The following NIBAN3 variants were observed in gnomAD, a reference collection of about 807,000 sequenced individuals.
The protein encoded by NIBAN3 is protein Niban 3.
A neutral mutation model predicts 76.4 loss-of-function variants in NIBAN3; 66 were observed. The observed-to-expected ratio is 0.86, with a 90% CI of 0.71 to 1.06. NIBAN3 has a LOEUF of 1.06. Ranked by LOEUF, NIBAN3 falls within the 50% of genes least tolerant of loss-of-function variation. The probability of loss-of-function intolerance (pLI) is 0.00; values close to 1 mark genes in which losing one functional copy is unlikely to be tolerated. For synonymous variants in NIBAN3, 360 were observed against 355.2 expected (o/e 1.01, Z -0.15); for missense variants, 808 against 810.7 (o/e 1.00, Z 0.04).
In NIBAN3 at chr19:17,539,591, C is replaced by G. The variant is rs1317445887; in HGVS notation, c.817-12C>G. On this transcript the variant is annotated splice_polypyrimidine_tract_variant and intron_variant, in intron 7 of 14. Transcript: ENST00000599164. ...TGTCTCGGCTTTGTCCCCCCTCGAC[C>G]GGTCTGGGCAGCTTCTAGACGCCGT... is the stretch of plus-strand genomic sequence containing the variant. The G allele has an allele frequency of 1.3e-6, 2 of 1,528,126 alleles. No homozygotes were observed. The highest frequency in any genetic ancestry group is 1.8e-6 in the Non-Finnish European group (2 of 1,131,252). 94.7% of individuals were successfully genotyped at this position (1,528,126 alleles called of 1,614,324 possible).
chr19:17,527,316 A>C lies in NIBAN3; in HGVS notation c.-25A>C. Reference sequence around the variant, plus strand: ...AGGCGGTGGTCGTGGGGAAGGGAAGAGGAGCCCCGGGAGACGACAGCAGCA... The same window carrying C: ...AGGCGGTGGTCGTGGGGAAGGGAAGCGGAGCCCCGGGAGACGACAGCAGCA... On this transcript the variant is annotated 5_prime_UTR_variant, in exon 1 of 15. Transcript: ENST00000599164. 1 of 1,549,652 alleles carries C rather than the reference A, an allele frequency of 6.5e-7. No homozygotes were observed. Among genetic ancestry groups the C allele is most frequent in the Non-Finnish European group, 8.7e-7 (1 of 1,146,194 alleles).
At chr19:17,527,183 G>A (rs2075618937), upstream of NIBAN3, 3 of 1,528,558 alleles carry the variant, frequency 2.0e-6, no homozygotes, top group Non-Finnish European at 2.7e-6. Context: ...CCCCAGGGGA[G>A]TGGGGAGGAC....
intron 11 of NIBAN3, 43 bp from the exon 12 acceptor site, chr19:17,543,481 T>G: frequency 6.2e-7 from 1 of 1,611,646 alleles, no homozygotes; most frequent in Non-Finnish European, 8.5e-7. Flanking sequence ...TGGGCCTGGG[T>G]GCTCAGATGG....
At chr19:17,527,477 G>C in intron 1 of NIBAN3, 82 bp downstream of exon 1, 1 of 1,397,028 alleles carries the variant, frequency 7.2e-7, no homozygotes, top group Non-Finnish European at 9.5e-7. Context: ...CCATGCAGCA[G>C]ATGGGGTTCG....
At chr19:17,547,511 C>G (rs186666936) in intron 13 of NIBAN3, among the ~76,000 whole-genome samples, 39,290 of 146,212 alleles carry the variant, frequency 0.27, 5,608 homozygotes, top group African/African-American at 0.36. Context: ...TGTGCCACCA[C>G]GCCCGGCTAA....
intron 1 of NIBAN3, among the ~76,000 whole-genome samples, chr19:17,530,490 G>A (rs2075698900): frequency 1.4e-5 from 2 of 138,484 alleles, no homozygotes; most frequent in African/African-American, 5.4e-5. Flanking sequence ...CTGAGATCGT[G>A]CCACTGCACT....
rs2075963557 is a variant in NIBAN3 at position 17,542,113 on chromosome 19, C to T, written c.1171-23C>T. ...CAATCAGCTGACAGCATTTTTCCCC[C>T]AAAACTGCTTCCGGGAGCACAGGTT... On this transcript the variant is annotated intron_variant, in intron 9 of 14. Coordinates refer to ENST00000599164, the MANE Select transcript of NIBAN3 (RefSeq NM_001321827.2). The surrounding 1 kb of genome is among the most constrained non-coding windows in gnomAD (Gnocchi z 4.8). The T allele has an allele frequency of 1.2e-6, 2 of 1,613,824 alleles. No homozygotes were observed. Among genetic ancestry groups the T allele is most frequent in the African/African-American group, 1.3e-5 (1 of 74,902 alleles).
chr19:17,549,822 CT>C (rs2076125350), intron 14 of NIBAN3: 2 of 431,804 alleles, frequency 4.6e-6, no homozygotes, highest in East Asian at 3.3e-5. Flanking sequence ...CTCTCTCTCT[CT>C]CTCTTTTTTT....
downstream of NIBAN3, among the ~76,000 whole-genome samples, chr19:17,554,636 C>A (rs1418179914): frequency 6.6e-6 from 1 of 150,500 alleles, no homozygotes; most frequent in South Asian, 2.1e-4. Context: ...AAAAATTAGC[C>A]GGGCGTGGTG....
At position 17,553,623 on chromosome 19, in the gene NIBAN3, C is replaced by T; in HGVS notation, c.*1725C>T. Reference sequence around the variant, plus strand: ...CCCCACCTTCCGAAATACATTTGCTCAATACATTTGCACTTCATAGGCTTC... The same window carrying T: ...CCCCACCTTCCGAAATACATTTGCTTAATACATTTGCACTTCATAGGCTTC... On this transcript the variant is annotated 3_prime_UTR_variant, in exon 15 of 15. Transcript: ENST00000599164. 6.9e-7 allele frequency: 1 copy of T among 1,449,934 alleles called. No homozygotes were observed. Among genetic ancestry groups the T allele is most frequent in the Non-Finnish European group, 9.7e-7 (1 of 1,033,824 alleles). 89.8% of individuals were successfully genotyped at this position (1,449,934 alleles called of 1,614,324 possible).
At position 17,533,779 on chromosome 19, in the gene NIBAN3, G is replaced by A. The variant is rs371501512; in HGVS notation, c.427+78G>A. The A allele has an allele frequency of 3.2e-5, 35 of 1,092,296 alleles. 1 individual carries two copies. Among genetic ancestry groups the A allele is most frequent in the Middle Eastern group, 2.9e-4 (1 of 3,478 alleles). The allele number at this position is 1,092,296 out of a possible 1,614,324, so 67.7% of individuals were successfully genotyped here. A position where few individuals can be genotyped will look rare whatever the true frequency, so the allele number is the denominator to read the frequency against. The stretch of plus-strand genomic sequence containing the variant: ...CATGTGGGGCCAGATCATTCTCTGC[G>A]GTGGGGGCGTCCCGTGTACAGCAGG... On this transcript the variant is annotated intron_variant, in intron 4 of 14. Transcript: ENST00000599164.
chr19:17,532,022 C>T (rs1236903856), intron 2 of NIBAN3, among the ~76,000 whole-genome samples: 2 of 152,234 alleles, frequency 1.3e-5, no homozygotes, highest in African/African-American at 4.8e-5. Flanking sequence ...TCCCACGCTC[C>T]AGTTGGGGCT....
At chr19:17,531,636 C>A (rs1252162106) in intron 2 of NIBAN3, among the ~76,000 whole-genome samples, 1 of 152,126 alleles carries the variant, frequency 6.6e-6, no homozygotes, top group African/African-American at 2.4e-5. Context: ...CAGGTTCAAG[C>A]GATTCTCGTG....
rs767105124 is a variant in NIBAN3 at position 17,549,538 on chromosome 19, TC to T, written c.1750+12del. ...AACAGGAGGGAGCAGGTGGGGAACT[TC>T]ACAGGCTTCTGAAACATGCCAGTGA... On this transcript the variant is annotated intron_variant, in intron 14 of 14. Transcript: ENST00000599164. The T allele has an allele frequency of 6.2e-7, 1 of 1,605,642 alleles. No homozygotes were observed. The highest frequency in any genetic ancestry group is 1.3e-5 in the African/African-American group (1 of 74,852).
chr19:17,552,063 A>ATTTTTT lies in NIBAN3; in HGVS notation c.*165_*166insTTTTTT, dbSNP rs2076165890. On this transcript the variant is annotated 3_prime_UTR_variant, in exon 15 of 15. Transcript: ENST00000599164. Reference sequence around the variant, plus strand: ...AGCATTTATTTGTGTATTTTCCCCAAGGCTTTCTTTATTTTAATTTTTTTT... The same window carrying ATTTTTT: ...AGCATTTATTTGTGTATTTTCCCCAATTTTTTGGCTTTCTTTATTTTAATTTTTTTT... The ATTTTTT allele has an allele frequency of 5.2e-5, 22 of 424,776 alleles. No homozygotes were observed. Among genetic ancestry groups the ATTTTTT allele is most frequent in the Non-Finnish European group, 8.4e-5 (20 of 238,726 alleles). 26.3% of individuals were successfully genotyped at this position (424,776 alleles called of 1,614,324 possible). A position where few individuals can be genotyped will look rare whatever the true frequency, so the allele number is the denominator to read the frequency against.
chr19:17,544,256 A>G (rs1453524608), intron 12 of NIBAN3, among the ~76,000 whole-genome samples: 1 of 152,090 alleles, frequency 6.6e-6, no homozygotes, highest in Non-Finnish European at 1.5e-5. Context: ...GGATCGCACC[A>G]CTGCACTCCA....
intron 2 of NIBAN3, among the ~76,000 whole-genome samples, chr19:17,531,906 T>TGACTGATGA (rs2075732700): frequency 6.6e-6 from 1 of 152,234 alleles, no homozygotes; most frequent in Admixed American, 6.5e-5. Flanking sequence ...GACAGGTCTT[T>TGACTGATGA]GACTGATGAG....
chr19:17,531,222 G>T (rs1052663348), intron 2 of NIBAN3, among the ~76,000 whole-genome samples: 1 of 151,964 alleles, frequency 6.6e-6, no homozygotes, highest in Non-Finnish European at 1.5e-5. Flanking sequence ...AGCTACTTGG[G>T]AGGCTGAGGC....
Position 17,552,899 on chromosome 19 carries a change from C to G in NIBAN3, c.*1001C>G, listed in dbSNP as rs2076176801. ...GCTTGGGCAATGTGGTGAAACCTGT[C>G]TCTACTAAAAAATAAAATAAATAAA... On this transcript the variant is annotated 3_prime_UTR_variant, in exon 15 of 15. Coordinates refer to ENST00000599164, the MANE Select transcript of NIBAN3 (RefSeq NM_001321827.2). 6.7e-6 allele frequency: 1 copy of G among 149,768 alleles called. No individual in the cohort carries two copies. Among genetic ancestry groups the G allele is most frequent in the African/African-American group, 2.5e-5 (1 of 40,358 alleles). 9.3% of individuals were successfully genotyped at this position (149,768 alleles called of 1,614,324 possible). A position where few individuals can be genotyped will look rare whatever the true frequency, so the allele number is the denominator to read the frequency against.
Sources: allele counts gnomAD v4.1 joint callset (sites outside exome capture counted in the v4.1 genomes callset), GRCh38; gene constraint gnomAD v4.1.1; non-coding constraint Gnocchi (gnomAD v3.1); transcripts MANE v1.5; gene names NCBI Gene and HGNC (gene_info 2026-07-23, HGNC 2026-07-21).